Variants in TMC1 observed in about 807,000 individuals in gnomAD.
The protein encoded by TMC1 is transmembrane channel like 1, also known as transmembrane channel-like protein 1.
TMC1 carries 84 observed loss-of-function variants against 105.8 expected under a neutral mutation model. That is an observed-to-expected ratio of 0.79 (90% CI 0.67 to 0.95). The LOEUF is 0.95. Ranked by LOEUF, TMC1 falls within the 40% of genes least tolerant of loss-of-function variation. The pLI is 0.00. For synonymous variants in TMC1, 315 were observed against 311.5 expected, an observed-to-expected ratio of 1.01 and a Z score of -0.12; for missense variants, 817 against 914.1, an observed-to-expected ratio of 0.89 and a Z score of 1.37.
At chr9:72,678,073 C>T (rs1365372626) in intron 5 of TMC1, among the ~76,000 whole-genome samples, 1 of 152,118 alleles carries the variant, frequency 6.6e-6, no homozygotes, top group Non-Finnish European at 1.5e-5. Context: ...TTTTACAATA[C>T]ACTTTCACAC....
At chr9:72,767,699 A>G (rs1827862173) in intron 12 of TMC1, among the ~76,000 whole-genome samples, 1 of 152,228 alleles carries the variant, frequency 6.6e-6, no homozygotes, top group African/African-American at 2.4e-5. Flanking sequence ...GGCACCCCAG[A>G]GTTGGACAGA....
At chr9:72,630,420 T>A (rs1255069222) in intron 4 of TMC1, among the ~76,000 whole-genome samples, 1 of 152,232 alleles carries the variant, frequency 6.6e-6, no homozygotes, top group Non-Finnish European at 1.5e-5. Flanking sequence ...TATAAGCTAT[T>A]TTAAATGTTT....
chr9:72,685,447 T>G (rs1480159417), intron 5 of TMC1, among the ~76,000 whole-genome samples: 2 of 149,892 alleles, frequency 1.3e-5, no homozygotes, highest in Non-Finnish European at 3.0e-5. Context: ...CACTGCAACC[T>G]CTGCCTCCCG....
At chr9:72,699,355 C>T (rs1458701432) in intron 7 of TMC1, among the ~76,000 whole-genome samples, 1 of 152,100 alleles carries the variant, frequency 6.6e-6, no homozygotes, top group Non-Finnish European at 1.5e-5. Flanking sequence ...GTGAATTTTA[C>T]CAAATGAAGT....
chr9:72,608,589 T>A (rs1379030524), intron 2 of TMC1, among the ~76,000 whole-genome samples: 2 of 151,692 alleles, frequency 1.3e-5, no homozygotes, highest in Admixed American at 1.3e-4. Context: ...TGCCTGTAAT[T>A]CCAGCTACTC....
At chr9:72,539,856 G>GA (rs1823645806) in intron 1 of TMC1, among the ~76,000 whole-genome samples, 1 of 152,164 alleles carries the variant, frequency 6.6e-6, no homozygotes, top group African/African-American at 2.4e-5. Flanking sequence ...CATTTACAAA[G>GA]AAAGGGGTTT....
intron 1 of TMC1, among the ~76,000 whole-genome samples, chr9:72,575,444 G>A (rs149150836): frequency 6.6e-6 from 1 of 152,178 alleles, no homozygotes; most frequent in Non-Finnish European, 1.5e-5. Context: ...GCCTCCCAAA[G>A]TGCTGGGATT....
chr9:72,788,110 G>A (rs1828200747), intron 13 of TMC1, among the ~76,000 whole-genome samples: 1 of 152,128 alleles, frequency 6.6e-6, no homozygotes, highest in Non-Finnish European at 1.5e-5. Context: ...CAAATCTTCA[G>A]TGCTTAGTAG....
At chr9:72,656,242 G>T in intron 5 of TMC1, 1 of 454,670 alleles carries the variant, frequency 2.2e-6, no homozygotes, top group Non-Finnish European at 4.2e-6. Context: ...AGTGAACAGT[G>T]GTGAGTCAGG....
At chr9:72,583,709 C>T (rs1174763888) in intron 2 of TMC1, among the ~76,000 whole-genome samples, 1 of 152,166 alleles carries the variant, frequency 6.6e-6, no homozygotes, top group Non-Finnish European at 1.5e-5. Flanking sequence ...AAACTTGTAG[C>T]CCAAGTTTTA....
chr9:72,835,924 T>TG, intron 23 of TMC1, 27 bp from the exon 24 acceptor site: 1 of 1,535,342 alleles, frequency 6.5e-7, no homozygotes, highest in Non-Finnish European at 8.7e-7. Flanking sequence ...TGTTTTTTTT[T>TG]TTTTTTTTTT....
chr9:72,816,729 T>G (rs1458088618), intron 19 of TMC1, among the ~76,000 whole-genome samples: 1 of 152,182 alleles, frequency 6.6e-6, no homozygotes. Flanking sequence ...TTTTGTAACT[T>G]GTTTTATAGG....
intron 3 of TMC1, among the ~76,000 whole-genome samples, chr9:72,618,754 G>A (rs535487307): frequency 1.7e-4 from 26 of 152,112 alleles, no homozygotes; most frequent in African/African-American, 6.0e-4. Flanking sequence ...TTAGGATAAT[G>A]TATAAACATG....
At chr9:72,537,470 G>A (rs1232640397) in intron 1 of TMC1, among the ~76,000 whole-genome samples, 4 of 152,106 alleles carry the variant, frequency 2.6e-5, no homozygotes, top group Non-Finnish European at 5.9e-5. Flanking sequence ...TACAACTTTA[G>A]GTCACTCATT....
intron 8 of TMC1, among the ~76,000 whole-genome samples, chr9:72,720,880 T>C (rs1322047549): frequency 6.6e-6 from 1 of 152,220 alleles, no homozygotes; most frequent in African/African-American, 2.4e-5. Context: ...GTTACTAATT[T>C]ACCTGCTATC....
chr9:72,755,391 T>A (rs1218151034), intron 12 of TMC1, among the ~76,000 whole-genome samples: 1 of 152,202 alleles, frequency 6.6e-6, no homozygotes, highest in Non-Finnish European at 1.5e-5. Context: ...TCCTATTTAG[T>A]ATTACTCAAT....
chr9:72,787,966 T>G (rs1250777493), intron 13 of TMC1, among the ~76,000 whole-genome samples: 2 of 152,170 alleles, frequency 1.3e-5, no homozygotes, highest in African/African-American at 4.8e-5. Flanking sequence ...ATATGTTTCT[T>G]TTCCCCTGGG....
At chr9:72,830,049 C>T (rs1284307404) in intron 21 of TMC1, among the ~76,000 whole-genome samples, 5 of 152,162 alleles carry the variant, frequency 3.3e-5, no homozygotes, top group Admixed American at 1.3e-4. Flanking sequence ...CCTTTTTGTT[C>T]GGCATGTTCC....
At chr9:72,825,390 G>T (rs950739945) in intron 20 of TMC1, among the ~76,000 whole-genome samples, 11 of 152,204 alleles carry the variant, frequency 7.2e-5, no homozygotes, top group Non-Finnish European at 1.2e-4. Flanking sequence ...TAACCTGGCA[G>T]GAGAAGGCAT....
Sources: allele counts gnomAD v4.1 joint callset (sites outside exome capture counted in the v4.1 genomes callset), GRCh38; gene constraint gnomAD v4.1.1; transcripts MANE v1.5; gene names NCBI Gene and HGNC (gene_info 2026-07-23, HGNC 2026-07-21).